Variants in TENM4 observed in about 807,000 individuals in gnomAD.
TENM4 encodes the protein teneurin transmembrane protein 4, also known as teneurin-4.
A neutral mutation model predicts 243.3 loss-of-function variants in TENM4; 82 were observed. The observed-to-expected ratio is 0.34, with a 90% CI of 0.28 to 0.40. TENM4 has a LOEUF of 0.40. Among genes scored for constraint, TENM4 ranks in the 10% least tolerant of loss-of-function variants. The pLI is 1.00. For missense variants in TENM4, 3,138 were observed against 3,673.3 expected, an observed-to-expected ratio of 0.85 and a Z score of 3.77; for synonymous variants, 1,412 against 1,456.3, an observed-to-expected ratio of 0.97 and a Z score of 0.69.
intron 12 of TENM4, among the ~76,000 whole-genome samples, chr11:78,827,124 T>C (rs1466207554): frequency 2.0e-5 from 3 of 152,266 alleles, no homozygotes; most frequent in Admixed American, 1.3e-4. Flanking sequence ...CACTATGAAA[T>C]AATGATTTGC....
intron 16 of TENM4, among the ~76,000 whole-genome samples, chr11:78,781,688 G>C (rs938577029): frequency 1.4e-4 from 22 of 152,034 alleles, no homozygotes; most frequent in African/African-American, 5.3e-4. Context: ...CAACTCGAAC[G>C]GCTGCATCAT....
Position 78,708,516 on chromosome 11 carries a change from C to CT in TENM4, c.4055-2dup. On this transcript the variant is annotated splice_acceptor_variant, in intron 26 of 33. Transcript: ENST00000278550. LOFTEE classifies it high-confidence loss of function. ...AGCCCAAACTTGTCCACTGTAATGCCTGGGGGCAGAGAAGCCAAAACAGGA... is the reference window on the plus strand; with the variant it reads ...AGCCCAAACTTGTCCACTGTAATGCCTTGGGGGCAGAGAAGCCAAAACAGGA... 1 of 1,613,590 alleles carries CT rather than the reference C, an allele frequency of 6.2e-7. No homozygotes were observed. Among genetic ancestry groups the CT allele is most frequent in the Non-Finnish European group, 8.5e-7 (1 of 1,179,714 alleles).
chr11:78,875,233 T>A (rs575175488), intron 9 of TENM4, among the ~76,000 whole-genome samples: 1 of 151,660 alleles, frequency 6.6e-6, no homozygotes, highest in Non-Finnish European at 1.5e-5. Context: ...GTTTCTTTCA[T>A]TTTTTTTTCT....
At chr11:79,387,869 G>A (rs1310694548) in intron 1 of TENM4, among the ~76,000 whole-genome samples, 1 of 152,194 alleles carries the variant, frequency 6.6e-6, no homozygotes, top group African/African-American at 2.4e-5. Flanking sequence ...GCCAGGTGTG[G>A]TGGCATGTGC....
intron 12 of TENM4, among the ~76,000 whole-genome samples, chr11:78,831,775 A>G (rs1857989053): frequency 6.6e-6 from 1 of 152,192 alleles, no homozygotes; most frequent in Non-Finnish European, 1.5e-5. Context: ...ATTTTAGGCA[A>G]ATCACAATGC....
At chr11:79,263,565 A>G (rs576111447) in intron 2 of TENM4, among the ~76,000 whole-genome samples, 1 of 152,366 alleles carries the variant, frequency 6.6e-6, no homozygotes, top group South Asian at 2.1e-4. Flanking sequence ...CATGTAGACA[A>G]TAAATGCTCA....
chr11:78,876,664 AGCTCCTTACACATCTG>A (rs111707500), intron 9 of TENM4, among the ~76,000 whole-genome samples: 1,732 of 152,332 alleles, frequency 0.011, 24 homozygotes, highest in African/African-American at 0.039. Flanking sequence ...AATTGCCATC[AGCTCCTTACACATCTG>A]GCTGTCCAAG....
intron 27 of TENM4, among the ~76,000 whole-genome samples, chr11:78,703,954 C>T (rs1044179372): frequency 2.7e-5 from 4 of 149,830 alleles, no homozygotes; most frequent in Non-Finnish European, 4.4e-5. Flanking sequence ...CAGGCTAAAG[C>T]GATCCTCCCA....
chr11:78,868,380 G>C (rs7126401), intron 9 of TENM4, among the ~76,000 whole-genome samples: 20,664 of 152,096 alleles, frequency 0.14, 1,976 homozygotes, highest in African/African-American at 0.28. Flanking sequence ...AGATGCTAAG[G>C]AGTTCAGAAA....
chr11:79,434,452 CG>C (rs1859230383), intron 1 of TENM4, among the ~76,000 whole-genome samples: 2 of 152,046 alleles, frequency 1.3e-5, no homozygotes, highest in South Asian at 2.1e-4. Context: ...ACACTCTTCT[CG>C]GAGGAACTAT....
intron 3 of TENM4, among the ~76,000 whole-genome samples, chr11:79,212,167 G>A (rs1863967463): frequency 6.6e-6 from 1 of 152,204 alleles, no homozygotes; most frequent in Non-Finnish European, 1.5e-5. Flanking sequence ...GACAGAGAGA[G>A]AAAAACATGA....
chr11:79,062,405 G>A (rs187523962), intron 6 of TENM4, among the ~76,000 whole-genome samples: 15 of 152,236 alleles, frequency 9.9e-5, no homozygotes, highest in African/African-American at 2.9e-4. Context: ...CCCAAAAAGC[G>A]TTTATTAGAA....
rs138759442 is a variant in TENM4, at chr11:79,024,755, T to C, written c.493+39983A>G. ...TGTTTCAGCTCGTGTGTATGGTGCCTTTATGTATTACTGCAGAGTTCACCT... is the reference window on the plus strand; with the variant it reads ...TGTTTCAGCTCGTGTGTATGGTGCCCTTATGTATTACTGCAGAGTTCACCT... On this transcript the variant is annotated intron_variant, in intron 6 of 33. Coordinates refer to ENST00000278550, the MANE Select transcript of TENM4 (RefSeq NM_001098816.3). Among the ~76,000 whole-genome samples the C allele has an allele frequency of 3.2e-3, 485 of 152,328 alleles. 3 individuals are homozygous for C. The highest frequency in any genetic ancestry group is 0.011 in the African/African-American group (470 of 41,562).
chr11:79,160,004 C>T (rs1026668599), intron 3 of TENM4, among the ~76,000 whole-genome samples: 2 of 152,120 alleles, frequency 1.3e-5, no homozygotes, highest in African/African-American at 4.8e-5. Context: ...TTTATTTCTT[C>T]ATTTATTCAT....
chr11:79,331,292 G>T (rs891908669), intron 1 of TENM4, among the ~76,000 whole-genome samples: 2 of 152,048 alleles, frequency 1.3e-5, no homozygotes, highest in African/African-American at 4.8e-5. Flanking sequence ...AGATGGAGGA[G>T]CCCAGGCCTT....
chr11:79,281,178 C>T (rs578148084), intron 2 of TENM4, among the ~76,000 whole-genome samples: 1 of 152,282 alleles, frequency 6.6e-6, no homozygotes, highest in South Asian at 2.1e-4. Context: ...CTCCTTAGCA[C>T]CTTTGATATG....
chr11:78,965,671 C>T (rs1857424533), intron 6 of TENM4, among the ~76,000 whole-genome samples: 1 of 152,198 alleles, frequency 6.6e-6, no homozygotes, highest in African/African-American at 2.4e-5. Flanking sequence ...TGAGCCCTCC[C>T]AGGCCTCGTC....
intron 5 of TENM4, among the ~76,000 whole-genome samples, chr11:79,066,766 A>G (rs944500790): frequency 2.6e-5 from 4 of 152,032 alleles, no homozygotes; most frequent in Non-Finnish European, 5.9e-5. Flanking sequence ...ACAAGCACGC[A>G]CACACACACA....
chr11:78,803,486 G>A (rs919938476), intron 15 of TENM4, among the ~76,000 whole-genome samples: 13 of 152,194 alleles, frequency 8.5e-5, no homozygotes, highest in Non-Finnish European at 1.6e-4. Context: ...TTTGAACCCA[G>A]GTCTGTCTGA....
Sources: allele counts gnomAD v4.1 joint callset (sites outside exome capture counted in the v4.1 genomes callset), GRCh38; gene constraint gnomAD v4.1.1; transcripts MANE v1.5; gene names NCBI Gene and HGNC (gene_info 2026-07-23, HGNC 2026-07-21).